Variants in FSTL5 observed in about 807,000 individuals in gnomAD.
FSTL5 encodes the protein follistatin like 5.
FSTL5 carries 62 observed loss-of-function variants against 89.1 expected under a neutral mutation model. That is an observed-to-expected ratio of 0.70 (90% CI 0.57 to 0.86). The LOEUF is 0.86. FSTL5 is among the 40% of genes least tolerant of loss of function. The probability of loss-of-function intolerance (pLI) is 0.00; values close to 1 mark genes in which losing one functional copy is unlikely to be tolerated. For synonymous variants in FSTL5, 383 were observed against 346.2 expected (o/e 1.11, Z -1.18); for missense variants, 1,057 against 1,001.6 (o/e 1.06, Z -0.75).
chr4:162,159,134 T>C lies in FSTL5; in HGVS notation c.-17+4481A>G, dbSNP rs574906026. Among the ~76,000 whole-genome samples the C allele has an allele frequency of 4.1e-4, 62 of 152,126 alleles. No homozygotes were observed. In the East Asian group the frequency reaches 9.5e-3, roughly 23 times the overall value. ...TTTTAGGGTTTTGGAATTTTAAAAA[T>C]AATAATAACTCAAGAGACAAAAAAA... On this transcript the variant is annotated intron_variant, in intron 1 of 15. Coordinates refer to ENST00000306100, the MANE Select transcript of FSTL5 (RefSeq NM_020116.5).
At chr4:162,001,601 TGTG>T (rs1736465483) in intron 3 of FSTL5, among the ~76,000 whole-genome samples, 2 of 35,830 alleles carry the variant, frequency 5.6e-5, no homozygotes, top group African/African-American at 2.3e-4. Context: ...ACATGCATTG[TGTG>T]TGTGTGTGTG....
chr4:161,817,460 G>A (rs536382092), intron 4 of FSTL5, among the ~76,000 whole-genome samples: 23 of 152,236 alleles, frequency 1.5e-4, no homozygotes, highest in South Asian at 6.2e-4. Flanking sequence ...GAGGCTGCAC[G>A]AAAGTTAAAA....
chr4:162,145,452 G>A (rs1732935598), intron 1 of FSTL5, among the ~76,000 whole-genome samples: 1 of 151,932 alleles, frequency 6.6e-6, no homozygotes. Flanking sequence ...CCAAATCTCA[G>A]GGACCTAAAA....
At chr4:161,838,970 A>G (rs1226186045) in intron 4 of FSTL5, among the ~76,000 whole-genome samples, 13 of 152,040 alleles carry the variant, frequency 8.6e-5, no homozygotes, top group African/African-American at 2.4e-5. Context: ...TATAAAACAT[A>G]GGTCAAAAAA....
chr4:161,788,332 T>C (rs1203229693), intron 4 of FSTL5, among the ~76,000 whole-genome samples: 2 of 152,198 alleles, frequency 1.3e-5, no homozygotes, highest in Non-Finnish European at 2.9e-5. Flanking sequence ...GTTACCTTAT[T>C]GTGCAATAGA....
chr4:161,989,445 T>C (rs1241480779), intron 3 of FSTL5, among the ~76,000 whole-genome samples: 2 of 152,182 alleles, frequency 1.3e-5, no homozygotes, highest in Non-Finnish European at 2.9e-5. Context: ...ACAGCATGCT[T>C]TATATTTGAT....
chr4:161,385,501 A>G lies in FSTL5; in HGVS notation c.*246T>C, dbSNP rs1250848674. On this transcript the variant is annotated 3_prime_UTR_variant, in exon 16 of 16. Coordinates refer to ENST00000306100, the MANE Select transcript of FSTL5 (RefSeq NM_020116.5). ...CTTTATTGTTTAAAGCATAATTTAC[A>G]TATTTGATTCTTGTGACTGATGTGA... The G allele has an allele frequency of 2.5e-6, 1 of 407,960 alleles. No individual in the cohort carries two copies. The highest frequency in any genetic ancestry group is 2.0e-5 in the African/African-American group (1 of 48,896). The allele number at this position is 407,960 out of a possible 1,614,324, so 25.3% of individuals were successfully genotyped here.
At chr4:161,852,972 G>C (rs566285484) in intron 4 of FSTL5, among the ~76,000 whole-genome samples, 5 of 152,246 alleles carry the variant, frequency 3.3e-5, no homozygotes, top group African/African-American at 1.2e-4. Flanking sequence ...TGCACATCCT[G>C]TGCATGTACC....
rs1282045807 is a variant in FSTL5 at position 161,705,898 on chromosome 4, T to C, written c.728-49404A>G. Among the ~76,000 whole-genome samples the C allele has an allele frequency of 1.5e-4, 20 of 131,728 alleles. No homozygotes were observed. In the East Asian group the frequency reaches 3.0e-3, roughly 20 times the overall value. 86.4% of individuals were successfully genotyped at this position (131,728 alleles called of 152,430 possible). On this transcript the variant is annotated intron_variant, in intron 6 of 15. Transcript: ENST00000306100. ...ATGCACTCCAGCCTGGGTGACAAAGTGAGAGCTTATCTCCAAAAGAAAAAT... is the reference window on the plus strand; with the variant it reads ...ATGCACTCCAGCCTGGGTGACAAAGCGAGAGCTTATCTCCAAAAGAAAAAT...
At chr4:161,609,672 G>A (rs1056091856) in intron 7 of FSTL5, among the ~76,000 whole-genome samples, 2 of 151,564 alleles carry the variant, frequency 1.3e-5, no homozygotes, top group Admixed American at 6.6e-5. Context: ...AGTTTCATGA[G>A]TACTGGAAGA....
At chr4:161,942,950 T>C (rs1430523731) in intron 3 of FSTL5, among the ~76,000 whole-genome samples, 1 of 152,262 alleles carries the variant, frequency 6.6e-6, no homozygotes, top group South Asian at 2.1e-4. Flanking sequence ...AAAAATCAAT[T>C]AGTGTTAATA....
In FSTL5 at chr4:161,433,589, G is replaced by A. The variant is rs112319256; in HGVS notation, c.1841+21415C>T. 2.3e-3 allele frequency among the ~76,000 whole-genome samples: 349 copies of A among 152,120 alleles called. 1 individual carries two copies. Among genetic ancestry groups the A allele is most frequent in the African/African-American group, 8.0e-3 (334 of 41,520 alleles). On this transcript the variant is annotated intron_variant, in intron 15 of 15. Transcript: ENST00000306100. ...ATCAAACAAGAGAAAGAAATAAAGG[G>A]CATTCAAATTACAAAGGAAAAAGTC...
chr4:161,500,041 G>C lies in FSTL5; in HGVS notation c.1433C>G (p.Pro478Arg). The C allele has an allele frequency of 6.2e-7, 1 of 1,607,194 alleles. No homozygotes were observed. The highest frequency in any genetic ancestry group is 8.5e-7 in the Non-Finnish European group (1 of 1,174,828). The change falls in exon 12 of 16, where the codon CCT (proline) becomes CGT (arginine). Residue 478 changes from proline to arginine, a missense_variant. This residue lies in a region of FSTL5 where 980 missense variants were observed against 903.2 expected (regional missense o/e 1.08). Transcript: ENST00000306100. ...IECEFQRHIK[P>R]SEKLLGFQDE... The stretch of plus-strand genomic sequence containing the variant: ...CTGAAATCCAAGGAGCTTTTCACTA[G>C]GCTTAATGTGCCTCTGAAATTCACA...
intron 10 of FSTL5, among the ~76,000 whole-genome samples, chr4:161,511,849 T>C (rs963547350): frequency 2.6e-5 from 4 of 151,968 alleles, no homozygotes; most frequent in African/African-American, 9.7e-5. Context: ...GAGAAGAAGA[T>C]GGGTACTGGA....
chr4:161,779,482 A>G (rs1259941111), intron 4 of FSTL5, among the ~76,000 whole-genome samples: 1 of 151,832 alleles, frequency 6.6e-6, no homozygotes, highest in Non-Finnish European at 1.5e-5. Flanking sequence ...CATTTTATAC[A>G]TATTGAATCT....
chr4:161,690,144 G>C (rs190499683), intron 6 of FSTL5, among the ~76,000 whole-genome samples: 1 of 152,036 alleles, frequency 6.6e-6, no homozygotes, highest in Non-Finnish European at 1.5e-5. Flanking sequence ...AGTAGAAGCC[G>C]AATGCTGGGG....
chr4:161,742,583 G>T lies in FSTL5; in HGVS notation c.727+16828C>A, dbSNP rs191583300. Reference sequence around the variant, plus strand: ...AAATATGAGTAGCCTTTGACATGTGGCAAACAGTGAGTTTAGGTTTGAACA... The same window carrying T: ...AAATATGAGTAGCCTTTGACATGTGTCAAACAGTGAGTTTAGGTTTGAACA... On this transcript the variant is annotated intron_variant, in intron 6 of 15. Coordinates refer to ENST00000306100, the MANE Select transcript of FSTL5 (RefSeq NM_020116.5). Among the ~76,000 whole-genome samples, 9 of 152,282 alleles carry T rather than the reference G, an allele frequency of 5.9e-5. No individual in the cohort carries two copies. The East Asian group carries it at 1.3e-3, about 23-fold the overall frequency.
intron 2 of FSTL5, among the ~76,000 whole-genome samples, chr4:162,053,929 C>T (rs1486113549): frequency 9.9e-5 from 15 of 151,200 alleles, no homozygotes; most frequent in Admixed American, 6.6e-5. Context: ...AGGAAAAAAA[C>T]AAGAAGGGCA....
At chr4:162,114,022 T>A (rs772893116) in intron 1 of FSTL5, among the ~76,000 whole-genome samples, 1 of 152,186 alleles carries the variant, frequency 6.6e-6, no homozygotes, top group African/African-American at 2.4e-5. Flanking sequence ...CCCAGAACAA[T>A]ACATGAATGC....
Sources: allele counts gnomAD v4.1 joint callset (sites outside exome capture counted in the v4.1 genomes callset), GRCh38; gene constraint gnomAD v4.1.1; regional missense constraint gnomAD v4.1.1; transcripts MANE v1.5; gene names NCBI Gene and HGNC (gene_info 2026-07-23, HGNC 2026-07-21).